TAFA2: variants seen among roughly 807,000 people sequenced by gnomAD.
TAFA2 encodes chemokine-like protein TAFA-2.
TAFA2 carries 7 observed loss-of-function variants against 18.8 expected under a neutral mutation model. The observed-to-expected ratio is 0.37, with a 90% CI of 0.21 to 0.70. The LOEUF (loss-of-function observed/expected upper bound fraction) is 0.70. Ranked by LOEUF, TAFA2 falls within the 30% of genes least tolerant of loss-of-function variation. The probability of loss-of-function intolerance (pLI) is 0.53; values close to 1 mark genes in which losing one functional copy is unlikely to be tolerated. For synonymous variants in TAFA2, 60 were observed against 54.2 expected, an observed-to-expected ratio of 1.11 and a Z score of -0.47; for missense variants, 122 against 158.1, an observed-to-expected ratio of 0.77 and a Z score of 1.23.
chr12:62,017,620 C>T (rs1440723), intron 1 of TAFA2, among the ~76,000 whole-genome samples: 52,062 of 151,974 alleles, frequency 0.34, 9,378 homozygotes, highest in Non-Finnish European at 0.39. Context: ...GTTATATTCT[C>T]CACCACTGTT....
intron 1 of TAFA2, among the ~76,000 whole-genome samples, chr12:62,232,355 T>C (rs1481868327): frequency 6.6e-6 from 1 of 152,298 alleles, no homozygotes; most frequent in South Asian, 2.1e-4. Flanking sequence ...ATCTCCACAT[T>C]GCAGCCAAAG....
chr12:61,985,051 C>T (rs575129727), intron 1 of TAFA2, among the ~76,000 whole-genome samples: 1 of 152,206 alleles, frequency 6.6e-6, no homozygotes, highest in Admixed American at 6.5e-5. Flanking sequence ...GTAAAAGTTG[C>T]TTTGAATGTG....
chr12:61,792,652 A>G (rs563323103), intron 2 of TAFA2, among the ~76,000 whole-genome samples: 1 of 151,664 alleles, frequency 6.6e-6, no homozygotes, highest in Non-Finnish European at 1.5e-5. Flanking sequence ...ATTTTCACAC[A>G]ATGTTTATTT....
intron 2 of TAFA2, among the ~76,000 whole-genome samples, chr12:61,866,898 ATTTT>A (rs1259757925): frequency 6.6e-6 from 1 of 151,556 alleles, no homozygotes; most frequent in African/African-American, 2.4e-5. Flanking sequence ...ATTTTATTTT[ATTTT>A]TTTATTTTTT....
intron 1 of TAFA2, among the ~76,000 whole-genome samples, chr12:61,922,083 A>G (rs1877076729): frequency 6.6e-6 from 1 of 151,158 alleles, no homozygotes; most frequent in Non-Finnish European, 1.5e-5. Context: ...GAAGTACCAC[A>G]AAGACCAGAT....
chr12:61,716,373 G>C (rs916517698), intron 4 of TAFA2, among the ~76,000 whole-genome samples: 1 of 152,078 alleles, frequency 6.6e-6, no homozygotes, highest in African/African-American at 2.4e-5. Flanking sequence ...AAAAATAAAT[G>C]GGATATTATT....
At chr12:61,741,651 C>T (rs141017097) in intron 4 of TAFA2, among the ~76,000 whole-genome samples, 2 of 152,204 alleles carry the variant, frequency 1.3e-5, no homozygotes, top group East Asian at 1.9e-4. Context: ...GTGGCACTTA[C>T]ACAAACTTCT....
intron 2 of TAFA2, among the ~76,000 whole-genome samples, chr12:61,793,590 G>A: frequency 6.6e-6 from 1 of 151,620 alleles, no homozygotes; most frequent in Non-Finnish European, 1.5e-5. Flanking sequence ...CAAATAAATT[G>A]AATTTTTAGT....
chr12:61,848,719 C>CA (rs34172882), intron 2 of TAFA2, among the ~76,000 whole-genome samples: 41,671 of 126,564 alleles, frequency 0.33, 6,414 homozygotes, highest in South Asian at 0.42. Context: ...ACATGGCCAG[C>CA]AAAAAAAAAA....
At chr12:62,215,129 T>C (rs1160090264) in intron 1 of TAFA2, among the ~76,000 whole-genome samples, 1 of 152,198 alleles carries the variant, frequency 6.6e-6, no homozygotes, top group Non-Finnish European at 1.5e-5. Flanking sequence ...TATATCCTCA[T>C]AAGAGACCAA....
At chr12:62,076,522 T>C (rs769378290) in intron 1 of TAFA2, among the ~76,000 whole-genome samples, 3 of 152,182 alleles carry the variant, frequency 2.0e-5, no homozygotes, top group Non-Finnish European at 2.9e-5. Context: ...TCTACTCCAA[T>C]GAAATCTAAT....
At chr12:61,963,943 A>G (rs1166541694) in intron 1 of TAFA2, among the ~76,000 whole-genome samples, 1 of 152,078 alleles carries the variant, frequency 6.6e-6, no homozygotes, top group Non-Finnish European at 1.5e-5. Flanking sequence ...CAATCATCTG[A>G]TCTTTGACAA....
At chr12:62,023,342 A>G (rs1881207807) in intron 1 of TAFA2, among the ~76,000 whole-genome samples, 1 of 148,974 alleles carries the variant, frequency 6.7e-6, no homozygotes, top group Admixed American at 6.8e-5. Context: ...AAGGTGCAGG[A>G]AATTTTTTAT....
chr12:62,021,485 TTC>T (rs1491017017), intron 1 of TAFA2: 11 of 573,590 alleles, frequency 1.9e-5, no homozygotes, highest in East Asian at 6.3e-5. Flanking sequence ...TTTTTTTTTT[TTC>T]TGTCTTTGTA....
chr12:61,776,006 C>T (rs1004430048), intron 2 of TAFA2: 1 of 337,432 alleles, frequency 3.0e-6, no homozygotes, highest in East Asian at 8.1e-5. Context: ...TTCCTTTGAC[C>T]ACACACATGC....
At chr12:61,850,685 A>G (rs535418353) in intron 2 of TAFA2, among the ~76,000 whole-genome samples, 143 of 152,196 alleles carry the variant, frequency 9.4e-4, no homozygotes, top group African/African-American at 3.3e-3. Context: ...AAATTCTTGA[A>G]TCATCTAGTA....
intron 1 of TAFA2, among the ~76,000 whole-genome samples, chr12:62,107,333 A>G (rs1360692022): frequency 1.3e-5 from 2 of 152,136 alleles, no homozygotes; most frequent in African/African-American, 4.8e-5. Flanking sequence ...AGAAAAAAGG[A>G]AAAACTACCA....
In TAFA2 at chr12:62,129,894, G is replaced by A. The variant is rs190283793; in HGVS notation, c.-2+61365C>T. 1.1e-3 allele frequency among the ~76,000 whole-genome samples: 166 copies of A among 152,002 alleles called. 1 individual carries two copies. The highest frequency in any genetic ancestry group is 2.6e-3 in the Admixed American group (40 of 15,238). On this transcript the variant is annotated intron_variant, in intron 1 of 4. Transcript: ENST00000416284. The stretch of plus-strand genomic sequence containing the variant: ...ACTGCTGTACAGGTTATAATGTGTG[G>A]CAACTCTTGAAGATCCAGAATTCTA...
At chr12:61,931,265 A>G (rs985453288) in intron 1 of TAFA2, among the ~76,000 whole-genome samples, 1 of 152,196 alleles carries the variant, frequency 6.6e-6, no homozygotes, top group Non-Finnish European at 1.5e-5. Flanking sequence ...TGAGCACCCA[A>G]AAATTAAACC....
Sources: gnomAD v4.1 joint callset for allele counts (sites outside exome capture counted in the v4.1 genomes callset) on GRCh38, gnomAD v4.1.1 for gene constraint, MANE v1.5 for transcripts, NCBI Gene and HGNC (gene_info 2026-07-23, HGNC 2026-07-21) for gene names.